The following TRDN variants were observed in gnomAD, a reference collection of about 807,000 sequenced individuals.
TRDN encodes triadin in skeletal muscle.
Under a neutral mutation model 149.7 loss-of-function variants are expected in TRDN, and 161 were observed. The observed-to-expected ratio is 1.08, with a 90% CI of 0.95 to 1.23. The LOEUF (loss-of-function observed/expected upper bound fraction) is 1.23. Among genes scored for constraint, TRDN ranks in the 50% most tolerant of loss-of-function variants. The pLI is 0.00. For missense variants in TRDN, 896 were observed against 823.5 expected (o/e 1.09, Z -1.08); for synonymous variants, 294 against 250.5 (o/e 1.17, Z -1.64).
At position 123,590,290 on chromosome 6, in the gene TRDN, T is replaced by C. The variant is rs189111015; in HGVS notation, c.23-19158A>G. Reference sequence around the variant, plus strand: ...GGATCATGAACCCTATAGTGAATTGTGCATGGGAGGAATCTAGGTTGTTGG... The same window carrying C: ...GGATCATGAACCCTATAGTGAATTGCGCATGGGAGGAATCTAGGTTGTTGG... On this transcript the variant is annotated intron_variant, in intron 1 of 40. Coordinates refer to ENST00000334268, the MANE Select transcript of TRDN (RefSeq NM_006073.4). Among the ~76,000 whole-genome samples, 616 of 152,280 alleles carry C rather than the reference T, an allele frequency of 4.0e-3. 7 individuals carry two copies. Among genetic ancestry groups the C allele is most frequent in the African/African-American group, 0.014 (564 of 41,548 alleles).
At chr6:123,517,292 A>T (rs772728034) in intron 5 of TRDN, among the ~76,000 whole-genome samples, 25 of 152,116 alleles carry the variant, frequency 1.6e-4, no homozygotes, top group Non-Finnish European at 2.6e-4. Context: ...AGGGGAAGAG[A>T]CCAATTTCCA....
rs187954419 is a variant in TRDN at position 123,448,504 on chromosome 6, C to T, written c.932-9501G>A. On this transcript the variant is annotated intron_variant, in intron 10 of 40. Transcript: ENST00000334268. ...GTCAACCTGCATGACTCAGCAGAGACAGCCATAATCCTCCTACTTACACAA... is the reference window on the plus strand; with the variant it reads ...GTCAACCTGCATGACTCAGCAGAGATAGCCATAATCCTCCTACTTACACAA... Among the ~76,000 whole-genome samples the T allele has an allele frequency of 5.2e-3, 787 of 152,182 alleles. 10 individuals carry two copies. The highest frequency in any genetic ancestry group is 0.018 in the African/African-American group (737 of 41,528).
chr6:123,343,336 T>C (rs1239133046), intron 21 of TRDN, among the ~76,000 whole-genome samples: 1 of 152,020 alleles, frequency 6.6e-6, no homozygotes, highest in African/African-American at 2.4e-5. Context: ...TTATTCATTA[T>C]ATTCTATATT....
chr6:123,547,280 C>T, intron 4 of TRDN, 60 bp downstream of exon 4: 1 of 1,051,508 alleles, frequency 9.5e-7, no homozygotes, highest in Non-Finnish European at 1.3e-6. Flanking sequence ...TTGAACCATG[C>T]TGAAAACCAA....
At chr6:123,220,513 TATC>T (rs1280057879) in intron 40 of TRDN, among the ~76,000 whole-genome samples, 1 of 151,796 alleles carries the variant, frequency 6.6e-6, no homozygotes, top group African/African-American at 2.4e-5. Context: ...TTACTCAAAG[TATC>T]ATAAGACTCT....
At chr6:123,562,734 G>C (rs1296967451) in intron 2 of TRDN, among the ~76,000 whole-genome samples, 1 of 152,176 alleles carries the variant, frequency 6.6e-6, no homozygotes, top group Non-Finnish European at 1.5e-5. Flanking sequence ...AAATCCATTT[G>C]ATTTGCAATT....
intron 2 of TRDN, among the ~76,000 whole-genome samples, chr6:123,558,947 T>G: frequency 6.6e-6 from 1 of 152,322 alleles, no homozygotes; most frequent in South Asian, 2.1e-4. Context: ...GGCCAACAAA[T>G]GCCCATAGCC....
intron 5 of TRDN, among the ~76,000 whole-genome samples, chr6:123,518,548 C>A (rs2114268028): frequency 6.6e-6 from 1 of 152,212 alleles, no homozygotes; most frequent in African/African-American, 2.4e-5. Flanking sequence ...GCTGGTTGTC[C>A]ATTCCACTAA....
intron 8 of TRDN, chr6:123,501,865 C>G: frequency 2.1e-6 from 2 of 947,728 alleles, no homozygotes; most frequent in Non-Finnish European, 2.5e-6. Flanking sequence ...AATCTGATTA[C>G]TGATAGAAAT....
At chr6:123,352,874 C>G (rs563487094) in intron 20 of TRDN, among the ~76,000 whole-genome samples, 1 of 152,014 alleles carries the variant, frequency 6.6e-6, no homozygotes, top group South Asian at 2.1e-4. Context: ...TTCCACTTGA[C>G]AGGACTATGA....
chr6:123,367,390 A>T (rs1373539853), intron 19 of TRDN, among the ~76,000 whole-genome samples: 2 of 152,070 alleles, frequency 1.3e-5, no homozygotes, highest in Admixed American at 1.3e-4. Context: ...GAACAACCAA[A>T]TCAAACAAGG....
chr6:123,588,262 G>A (rs116203330), intron 1 of TRDN, among the ~76,000 whole-genome samples: 1 of 152,118 alleles, frequency 6.6e-6, no homozygotes, highest in African/African-American at 2.4e-5. Flanking sequence ...TTCTTGTAGG[G>A]TCTGCTATCT....
At chr6:123,261,012 CA>C (rs901717855) in intron 33 of TRDN, among the ~76,000 whole-genome samples, 2 of 151,394 alleles carry the variant, frequency 1.3e-5, no homozygotes, top group East Asian at 1.9e-4. Flanking sequence ...TTTTATAACA[CA>C]AAAAATATGA....
In TRDN at chr6:123,457,563, C is replaced by CT. The variant is rs71541231; in HGVS notation, c.931+7342dup. ...CTCATTTCTTTCCCTTTTCATTTTC[C>CT]TTTTTTTTTCTTTTGATGCTTTGTC... On this transcript the variant is annotated intron_variant, in intron 10 of 40. Coordinates refer to ENST00000334268, the MANE Select transcript of TRDN (RefSeq NM_006073.4). 1,281 of 434,722 alleles carry CT rather than the reference C, an allele frequency of 2.9e-3. 3 individuals are homozygous for CT. Among genetic ancestry groups the CT allele is most frequent in the African/African-American group, 0.021 (1,013 of 48,784 alleles). 26.9% of individuals were successfully genotyped at this position (434,722 alleles called of 1,614,324 possible).
intron 10 of TRDN, among the ~76,000 whole-genome samples, chr6:123,454,388 AAT>A (rs1775977853): frequency 6.6e-6 from 1 of 152,198 alleles, no homozygotes; most frequent in South Asian, 2.1e-4. Flanking sequence ...AAGGTAAAAA[AAT>A]ATGTTTTAGT....
chr6:123,609,906 C>A (rs1003000044), intron 1 of TRDN, among the ~76,000 whole-genome samples: 1 of 152,046 alleles, frequency 6.6e-6, no homozygotes, highest in Non-Finnish European at 1.5e-5. Flanking sequence ...AGGAGGCACT[C>A]GGTATATGAT....
intron 1 of TRDN, among the ~76,000 whole-genome samples, chr6:123,622,340 CACACACAG>C (rs150449953): frequency 0.26 from 38,443 of 147,972 alleles, 5,207 homozygotes; most frequent in East Asian, 0.59. Context: ...CACACACACA[CACACACAG>C]GCACACGCAC....
chr6:123,607,338 G>A (rs1784573038), intron 1 of TRDN, among the ~76,000 whole-genome samples: 1 of 152,172 alleles, frequency 6.6e-6, no homozygotes, highest in South Asian at 2.1e-4. Flanking sequence ...ACTCACTATT[G>A]TTGGTAAAAA....
chr6:123,313,505 C>T (rs1019528575), intron 24 of TRDN, among the ~76,000 whole-genome samples: 1 of 151,824 alleles, frequency 6.6e-6, no homozygotes, highest in Non-Finnish European at 1.5e-5. Flanking sequence ...TTTTAAAAGT[C>T]TGGCCTCCTT....
Sources: allele counts gnomAD v4.1 joint callset (sites outside exome capture counted in the v4.1 genomes callset), GRCh38; gene constraint gnomAD v4.1.1; transcripts MANE v1.5; gene names NCBI Gene and HGNC (gene_info 2026-07-23, HGNC 2026-07-21).